The following ERGIC1 variants were observed in gnomAD, a reference collection of about 807,000 sequenced individuals.
The protein encoded by ERGIC1 is endoplasmic reticulum-Golgi intermediate compartment protein 1.
ERGIC1 carries 19 observed loss-of-function variants against 38.3 expected under a neutral mutation model. That is an observed-to-expected ratio of 0.50 (90% CI 0.35 to 0.73). ERGIC1 has a LOEUF of 0.73. ERGIC1 is among the 30% of genes least tolerant of loss of function. ERGIC1 has a pLI of 0.01. For synonymous variants in ERGIC1, 124 were observed against 157.6 expected (o/e 0.79, Z 1.60); for missense variants, 294 against 389.2 (o/e 0.76, Z 2.06).
At chr5:172,949,071 C>A (rs1764178526) in intron 9 of ERGIC1, among the ~76,000 whole-genome samples, 2 of 152,306 alleles carry the variant, frequency 1.3e-5, no homozygotes, top group South Asian at 4.1e-4. Context: ...AGTTTCCTTG[C>A]AAACCTTCTG....
intron 9 of ERGIC1, 110 bp from the exon 10 acceptor site, chr5:172,950,599 C>A: frequency 2.2e-6 from 2 of 907,152 alleles, no homozygotes; most frequent in Non-Finnish European, 3.4e-6. Context: ...GCTTAACGGG[C>A]AATGTCTGCC....
At chr5:172,947,882 G>C (rs1158885601) in intron 9 of ERGIC1, among the ~76,000 whole-genome samples, 1 of 149,868 alleles carries the variant, frequency 6.7e-6, no homozygotes, top group African/African-American at 2.5e-5. Flanking sequence ...TGTTTTGTGT[G>C]TGTGTGTGTG....
At chr5:172,938,524 G>A (rs1005830985) in intron 9 of ERGIC1, among the ~76,000 whole-genome samples, 22 of 151,966 alleles carry the variant, frequency 1.4e-4, no homozygotes, top group African/African-American at 2.9e-4. Flanking sequence ...AGGCCGAGGC[G>A]GGGGATCACT....
intron 9 of ERGIC1, among the ~76,000 whole-genome samples, chr5:172,947,783 C>T (rs1359371683): frequency 1.3e-5 from 2 of 152,112 alleles, no homozygotes; most frequent in Admixed American, 6.5e-5. Context: ...TCTGGGCCAG[C>T]CCCATGAAAG....
chr5:172,854,452 A>G (rs185727050), intron 1 of ERGIC1, among the ~76,000 whole-genome samples: 1 of 152,376 alleles, frequency 6.6e-6, no homozygotes, highest in African/African-American at 2.4e-5. Flanking sequence ...GAGAAAAAAA[A>G]GTATTTCCTG....
At chr5:172,884,251 T>TTG (rs1321716085) in intron 1 of ERGIC1, among the ~76,000 whole-genome samples, 5 of 115,290 alleles carry the variant, frequency 4.3e-5, no homozygotes, top group South Asian at 6.7e-4. Flanking sequence ...CAAGTTTTTT[T>TTG]TTTTTTTTTT....
At chr5:172,918,194 A>G (rs1032887678) in intron 5 of ERGIC1, 11 of 152,230 alleles carry the variant, frequency 7.2e-5, no homozygotes, top group Admixed American at 2.0e-4. Flanking sequence ...TATTAGACCC[A>G]CCACTAGGTC....
At chr5:172,944,638 C>T (rs1764080621) in intron 9 of ERGIC1, among the ~76,000 whole-genome samples, 2 of 152,222 alleles carry the variant, frequency 1.3e-5, no homozygotes, top group African/African-American at 4.8e-5. Flanking sequence ...GGATTACAGG[C>T]GTGAGCCGCC....
intron 9 of ERGIC1, among the ~76,000 whole-genome samples, chr5:172,950,236 C>T (rs1325649093): frequency 6.6e-6 from 1 of 152,146 alleles, no homozygotes; most frequent in Non-Finnish European, 1.5e-5. Flanking sequence ...CCTTGGGCCC[C>T]TGGGACTGCC....
At chr5:172,904,436 G>A (rs560036680) in intron 3 of ERGIC1, among the ~76,000 whole-genome samples, 1 of 152,330 alleles carries the variant, frequency 6.6e-6, no homozygotes, top group African/African-American at 2.4e-5. Context: ...GCTCAGAGAG[G>A]TGAAGCAGTG....
At chr5:172,843,280 A>C (rs553091231) in intron 1 of ERGIC1, among the ~76,000 whole-genome samples, 2 of 152,260 alleles carry the variant, frequency 1.3e-5, no homozygotes, top group African/African-American at 4.8e-5. Flanking sequence ...TTGCGTTTTC[A>C]CTCCGTTAAT....
intron 9 of ERGIC1, among the ~76,000 whole-genome samples, chr5:172,944,905 C>A (rs1764089343): frequency 6.6e-6 from 1 of 152,252 alleles, no homozygotes; most frequent in African/African-American, 2.4e-5. Context: ...TCCCCACGCC[C>A]CCGGCTGACA....
chr5:172,884,489 A>C (rs1762369413), intron 1 of ERGIC1, among the ~76,000 whole-genome samples: 1 of 152,118 alleles, frequency 6.6e-6, no homozygotes, highest in African/African-American at 2.4e-5. Flanking sequence ...TCCTGGCCTC[A>C]AGCGATCCCC....
intron 5 of ERGIC1, among the ~76,000 whole-genome samples, chr5:172,921,028 G>A (rs1375185517): frequency 2.0e-5 from 3 of 152,220 alleles, no homozygotes; most frequent in African/African-American, 7.2e-5. Flanking sequence ...CCTCTTCCGG[G>A]AGGGCCCTTC....
intron 9 of ERGIC1, among the ~76,000 whole-genome samples, chr5:172,946,660 C>T (rs747178264): frequency 5.9e-5 from 9 of 152,188 alleles, no homozygotes; most frequent in Non-Finnish European, 1.2e-4. Context: ...GGTGTGAGAA[C>T]GCCCTGGCAC....
chr5:172,947,875 T>TG (rs1165455884), intron 9 of ERGIC1, among the ~76,000 whole-genome samples: 12 of 113,314 alleles, frequency 1.1e-4, no homozygotes, highest in East Asian at 1.0e-3. Context: ...ACAGATGTGT[T>TG]TTGTGTGTGT....
chr5:172,840,168 G>A (rs1036347928), intron 1 of ERGIC1, among the ~76,000 whole-genome samples: 4 of 151,998 alleles, frequency 2.6e-5, no homozygotes, highest in Non-Finnish European at 4.4e-5. Flanking sequence ...CTGACCAGTG[G>A]GGGTTTTCCA....
intron 5 of ERGIC1, chr5:172,920,402 T>C (rs1360587663): frequency 1.4e-6 from 1 of 717,888 alleles, no homozygotes; most frequent in East Asian, 2.7e-5. Context: ...TTTGCGTGTT[T>C]TGAGCAGCAG....
rs375159006 is a variant in ERGIC1, at chr5:172,926,121, A to G, written c.481-388A>G. 2.6e-5 allele frequency among the ~76,000 whole-genome samples: 4 copies of G among 152,188 alleles called. No homozygotes were observed. Among genetic ancestry groups the G allele is most frequent in the African/African-American group, 7.2e-5 (3 of 41,448 alleles). On this transcript the variant is annotated intron_variant, in intron 6 of 9. Coordinates refer to ENST00000393784, the MANE Select transcript of ERGIC1 (RefSeq NM_001031711.3). The surrounding 1 kb of genome is among the most constrained non-coding windows in gnomAD (Gnocchi z 5.2). ...TTGAATTTTCTGTGTGACTTCATGG[A>G]AAGAGTCCAGCTTAGTGTCAGACAG...
Sources: gnomAD v4.1 joint callset for allele counts (sites outside exome capture counted in the v4.1 genomes callset) on GRCh38, gnomAD v4.1.1 for gene constraint, Gnocchi (gnomAD v3.1) non-coding constraint, MANE v1.5 for transcripts, NCBI Gene and HGNC (gene_info 2026-07-23, HGNC 2026-07-21) for gene names.